Variants in CEMIP observed in about 807,000 individuals in gnomAD.
CEMIP encodes cell migration-inducing and hyaluronan-binding protein.
In CEMIP, 105 loss-of-function variants were observed where a neutral mutation model predicts 156.9. That is an observed-to-expected ratio of 0.67 (90% CI 0.57 to 0.79). CEMIP has a LOEUF of 0.79. Ranked by LOEUF, CEMIP falls within the 30% of genes least tolerant of loss-of-function variation. The pLI is 0.00. For missense variants in CEMIP, 1,457 were observed against 1,769.4 expected, an observed-to-expected ratio of 0.82 and a Z score of 3.17; for synonymous variants, 676 against 668.4, an observed-to-expected ratio of 1.01 and a Z score of -0.17.
chr15:80,921,980 G>A, intron 16 of CEMIP, 29 bp from the exon 17 acceptor site: 2 of 1,613,772 alleles, frequency 1.2e-6, no homozygotes, highest in Non-Finnish European at 1.7e-6. Flanking sequence ...TGAACGCTGT[G>A]GCTTTTCCCT....
intron 1 of CEMIP, among the ~76,000 whole-genome samples, chr15:80,822,717 C>T (rs547185715): frequency 3.9e-5 from 6 of 152,280 alleles, no homozygotes; most frequent in Non-Finnish European, 8.8e-5. Flanking sequence ...AGCACAGCTG[C>T]TTGGCTAACG....
intron 1 of CEMIP, among the ~76,000 whole-genome samples, chr15:80,816,418 T>C (rs1185010574): frequency 4.6e-5 from 7 of 152,170 alleles, no homozygotes; most frequent in Non-Finnish European, 1.0e-4. Context: ...CTCCAGGGCC[T>C]CCTGCAGGCA....
chr15:80,820,649 T>C (rs1896888648), intron 1 of CEMIP, among the ~76,000 whole-genome samples: 1 of 152,214 alleles, frequency 6.6e-6, no homozygotes. Context: ...GTAATAATAG[T>C]TATTAAGGGC....
intron 10 of CEMIP, among the ~76,000 whole-genome samples, chr15:80,892,368 CAAA>C (rs1407264169): frequency 6.6e-6 from 1 of 152,164 alleles, no homozygotes; most frequent in Admixed American, 6.5e-5. Flanking sequence ...ATTATAATAA[CAAA>C]AACACACTGT....
rs1423388400 is a variant in CEMIP at position 80,920,219 on chromosome 15, G to A, written c.1923G>A (p.Ser641=). The A allele has an allele frequency of 6.8e-6, 11 of 1,614,116 alleles. No homozygotes were observed. The highest frequency in any genetic ancestry group is 6.7e-5 in the Admixed American group (4 of 60,026). Residue 641 remains serine (S), a synonymous_variant, in exon 15 of 30, where the codon TCG becomes TCA. Transcript: ENST00000394685. ...LLVKSGTLLP[S]DRDSKMCKMI... ...TCAAGTCTGGAACCCTCCTCCCCTCGGACCGTGACAGCAAGATGTGCAAGA... is the reference window on the plus strand; with the variant it reads ...TCAAGTCTGGAACCCTCCTCCCCTCAGACCGTGACAGCAAGATGTGCAAGA...
At chr15:80,888,111 C>A (rs1898910294) in intron 8 of CEMIP, among the ~76,000 whole-genome samples, 2 of 152,068 alleles carry the variant, frequency 1.3e-5, no homozygotes, top group Admixed American at 6.6e-5. Flanking sequence ...GCTTGTAATC[C>A]CAGCATTTTG....
chr15:80,866,048 C>T (rs1285405590), intron 1 of CEMIP, among the ~76,000 whole-genome samples: 1 of 152,170 alleles, frequency 6.6e-6, no homozygotes, highest in Non-Finnish European at 1.5e-5. Context: ...TACCTTTCTC[C>T]CAGCTGCAAT....
chr15:80,867,568 C>T (rs1018962339), intron 1 of CEMIP, among the ~76,000 whole-genome samples: 10 of 152,198 alleles, frequency 6.6e-5, no homozygotes, highest in Non-Finnish European at 1.3e-4. Flanking sequence ...GGCTGGGGTG[C>T]CCTGTCCCTG....
intron 18 of CEMIP, among the ~76,000 whole-genome samples, 169 bp downstream of exon 18, chr15:80,924,875 A>G: frequency 6.6e-6 from 1 of 152,174 alleles, no homozygotes; most frequent in East Asian, 1.9e-4. Flanking sequence ...AGCAGGGTAA[A>G]GTCTGAATTA....
At chr15:80,948,648 C>A in intron 29 of CEMIP, 149 bp from the exon 30 acceptor site, 1 of 1,048,118 alleles carries the variant, frequency 9.5e-7, no homozygotes, top group Non-Finnish European at 1.5e-6. Context: ...AGTAGCTGAG[C>A]ACAGAGCTCT....
intron 1 of CEMIP, among the ~76,000 whole-genome samples, chr15:80,796,308 T>G (rs1490897649): frequency 1.3e-5 from 2 of 152,146 alleles, no homozygotes; most frequent in Non-Finnish European, 2.9e-5. Flanking sequence ...TTGAAGTAGC[T>G]TCTCTTTGTG....
chr15:80,784,421 CTGAGG>C (rs1895874973), intron 1 of CEMIP, among the ~76,000 whole-genome samples: 2 of 152,284 alleles, frequency 1.3e-5, no homozygotes, highest in South Asian at 4.1e-4. Flanking sequence ...TTGGCCCTCT[CTGAGG>C]TGAGGAGTTC....
intron 28 of CEMIP, 81 bp downstream of exon 28, chr15:80,943,183 C>T: frequency 1.4e-6 from 2 of 1,439,464 alleles, no homozygotes; most frequent in Non-Finnish European, 2.0e-6. Context: ...CTCACAAAGG[C>T]CCTCATCACA....
chr15:80,935,033 T>C (rs924904712), intron 23 of CEMIP, among the ~76,000 whole-genome samples: 10 of 152,124 alleles, frequency 6.6e-5, no homozygotes, highest in African/African-American at 1.4e-4. Flanking sequence ...GGCGGTGCAT[T>C]TGCAGAGGCA....
intron 1 of CEMIP, among the ~76,000 whole-genome samples, chr15:80,855,594 G>T (rs891610510): frequency 6.6e-6 from 1 of 151,390 alleles, no homozygotes; most frequent in Non-Finnish European, 1.5e-5. Context: ...TGCAACTTCT[G>T]CCTCCTGGGT....
intron 1 of CEMIP, among the ~76,000 whole-genome samples, chr15:80,793,941 C>T (rs1896150271): frequency 6.6e-6 from 1 of 152,224 alleles, no homozygotes; most frequent in Admixed American, 6.5e-5. Context: ...GTTTTATTAA[C>T]ACTAGGGTCA....
chr15:80,937,833 C>T lies in CEMIP; in HGVS notation c.3261C>T (p.Gly1087=). 6.2e-7 allele frequency: 1 copy of T among 1,614,268 alleles called. No individual in the cohort carries two copies. Among genetic ancestry groups the T allele is most frequent in the Non-Finnish European group, 8.5e-7 (1 of 1,180,050 alleles). Residue 1087 remains glycine, a synonymous_variant, in exon 25 of 30, where the codon GGC becomes GGT. Coordinates refer to ENST00000394685, the MANE Select transcript of CEMIP (RefSeq NM_001293298.2). ...WIRVGLCYPR[G]TTFSILSDVH... ...GAGTGGGGCTCTGCTACCCGCGAGG[C>T]ACCACATTCTCCATCCTCTCGGATG... is the stretch of plus-strand genomic sequence containing the variant.
chr15:80,809,687 G>C (rs1029570915), intron 1 of CEMIP, among the ~76,000 whole-genome samples: 1 of 152,144 alleles, frequency 6.6e-6, no homozygotes, highest in South Asian at 2.1e-4. Context: ...GGCTATGGGG[G>C]AAAATCCGCT....
At chr15:80,858,551 T>TA (rs59305579) in intron 1 of CEMIP, among the ~76,000 whole-genome samples, 27,822 of 130,364 alleles carry the variant, frequency 0.21, 2,808 homozygotes, top group Admixed American at 0.27. Flanking sequence ...TGGTCTCTAC[T>TA]AAAAAAAAAA....
Sources: gnomAD v4.1 joint callset for allele counts (sites outside exome capture counted in the v4.1 genomes callset) on GRCh38, gnomAD v4.1.1 for gene constraint, MANE v1.5 for transcripts, NCBI Gene and HGNC (gene_info 2026-07-23, HGNC 2026-07-21) for gene names.